RARB: variants seen among roughly 807,000 people sequenced by gnomAD.
The protein encoded by RARB is HBV-activated protein.
A neutral mutation model predicts 51.9 loss-of-function variants in RARB; 17 were observed. The observed-to-expected ratio is 0.33, with a 90% CI of 0.22 to 0.49. The LOEUF is 0.49. Among genes scored for constraint, RARB ranks in the 20% least tolerant of loss-of-function variants. RARB has a pLI of 0.99. For missense variants in RARB, 369 were observed against 550.8 expected, an observed-to-expected ratio of 0.67 and a Z score of 3.30; for synonymous variants, 215 against 195.4, an observed-to-expected ratio of 1.10 and a Z score of -0.84.
At chr3:25,302,890 A>G (rs1163307875) in intron 5 of RARB, among the ~76,000 whole-genome samples, 3 of 152,224 alleles carry the variant, frequency 2.0e-5, no homozygotes, top group Admixed American at 6.5e-5. Context: ...TTAAAGTGCT[A>G]TTCCCCATTT....
intron 2 of RARB, among the ~76,000 whole-genome samples, chr3:24,892,897 A>G (rs1351320396): frequency 6.6e-6 from 1 of 152,202 alleles, no homozygotes; most frequent in East Asian, 1.9e-4. Context: ...CCATTGGGCT[A>G]TCACTGTGCT....
At chr3:25,482,776 T>G (rs1170534706) in intron 2 of RARB, among the ~76,000 whole-genome samples, 1 of 151,946 alleles carries the variant, frequency 6.6e-6, no homozygotes, top group Non-Finnish European at 1.5e-5. Flanking sequence ...CCTGACCTCA[T>G]GATCCGCCCA....
At chr3:25,151,030 C>T (rs1416255702) in intron 4 of RARB, among the ~76,000 whole-genome samples, 1 of 152,162 alleles carries the variant, frequency 6.6e-6, no homozygotes, top group Non-Finnish European at 1.5e-5. Flanking sequence ...CTCAGTGGCT[C>T]CATGTATATA....
At chr3:24,884,814 A>C (rs555883593) in intron 2 of RARB, among the ~76,000 whole-genome samples, 1 of 152,192 alleles carries the variant, frequency 6.6e-6, no homozygotes, top group Non-Finnish European at 1.5e-5. Flanking sequence ...ACAGAGGATC[A>C]CTGCAAAAAT....
chr3:25,069,299 A>C (rs1227050778), intron 3 of RARB, among the ~76,000 whole-genome samples: 4 of 152,180 alleles, frequency 2.6e-5, no homozygotes, highest in African/African-American at 7.2e-5. Context: ...TGATTTATTC[A>C]CTTTGGGCAG....
intron 2 of RARB, among the ~76,000 whole-genome samples, chr3:24,907,996 C>T (rs774875911): frequency 4.6e-5 from 7 of 152,006 alleles, no homozygotes; most frequent in East Asian, 1.9e-4. Context: ...TGAAGGTCAC[C>T]GGAGTGAGGG....
chr3:25,537,246 C>T (rs1181406205), intron 3 of RARB, among the ~76,000 whole-genome samples: 1 of 152,174 alleles, frequency 6.6e-6, no homozygotes, highest in African/African-American at 2.4e-5. Context: ...CAACAAGAAG[C>T]ATCTGGAAAG....
At chr3:25,335,637 A>C (rs1705040840) in intron 5 of RARB, among the ~76,000 whole-genome samples, 1 of 152,210 alleles carries the variant, frequency 6.6e-6, no homozygotes, top group Non-Finnish European at 1.5e-5. Flanking sequence ...GTCAACTGAA[A>C]GGCCACTGTG....
At chr3:25,178,543 G>A (rs1700801374) in intron 5 of RARB, among the ~76,000 whole-genome samples, 1 of 151,258 alleles carries the variant, frequency 6.6e-6, no homozygotes, top group Admixed American at 6.6e-5. Flanking sequence ...AGACCCCAGA[G>A]CGCATGCCTT....
At chr3:25,084,741 G>T (rs964290820) in intron 3 of RARB, among the ~76,000 whole-genome samples, 6 of 149,242 alleles carry the variant, frequency 4.0e-5, no homozygotes, top group South Asian at 2.1e-4. Context: ...TCTGTTTGGG[G>T]TTTTTTTTAA....
At chr3:25,197,169 T>C (rs1399434342) in intron 5 of RARB, among the ~76,000 whole-genome samples, 2 of 152,152 alleles carry the variant, frequency 1.3e-5, no homozygotes, top group South Asian at 4.1e-4. Context: ...TGGTATTGCC[T>C]AGGTTGTCTT....
chr3:25,404,656 G>T (rs116734135), intron 5 of RARB, among the ~76,000 whole-genome samples: 22 of 152,246 alleles, frequency 1.4e-4, no homozygotes, highest in Admixed American at 3.3e-4. Flanking sequence ...GTGGAAGCAG[G>T]GGCATGGCGG....
At chr3:25,089,017 T>A (rs1272760394) in intron 3 of RARB, among the ~76,000 whole-genome samples, 1 of 150,716 alleles carries the variant, frequency 6.6e-6, no homozygotes, top group Non-Finnish European at 1.5e-5. Flanking sequence ...TAAGTTTTAC[T>A]AATTGAGTAA....
chr3:25,460,233 A>G (rs1023325629), intron 1 of RARB, among the ~76,000 whole-genome samples: 3 of 151,948 alleles, frequency 2.0e-5, no homozygotes, highest in Non-Finnish European at 4.4e-5. Context: ...ACCTGATACT[A>G]TTTTTCTAAT....
intron 1 of RARB, among the ~76,000 whole-genome samples, chr3:24,853,975 A>G (rs1702599538): frequency 6.6e-6 from 1 of 152,188 alleles, no homozygotes; most frequent in African/African-American, 2.4e-5. Context: ...TAGAGACCTC[A>G]CTCAAGGATC....
chr3:25,255,203 T>C lies in RARB; in HGVS notation c.178+80628T>C, dbSNP rs1262178416. On this transcript the variant is annotated intron_variant, in intron 5 of 11. Coordinates refer to the RARB transcript ENST00000383772. ...TCCCCCACCTTCACAGACACAGTAG[T>C]AGATCAACACAAATATGAATTTTTT... is the stretch of plus-strand genomic sequence containing the variant. Among the ~76,000 whole-genome samples, 9 of 152,078 alleles carry C rather than the reference T, an allele frequency of 5.9e-5. 1 individual carries two copies. Among genetic ancestry groups the C allele is most frequent in the Admixed American group, 5.9e-4 (9 of 15,264 alleles).
chr3:24,842,507 T>C (rs571253912), intron 1 of RARB, among the ~76,000 whole-genome samples: 1 of 152,204 alleles, frequency 6.6e-6, no homozygotes, highest in East Asian at 1.9e-4. Flanking sequence ...ATCTCATAAC[T>C]ATGGGATATA....
rs1701861196 is a variant in RARB at position 25,596,958 on chromosome 3, G to T, written c.*342G>T. On this transcript the variant is annotated 3_prime_UTR_variant, in exon 8 of 8. Coordinates refer to ENST00000330688, the MANE Select transcript of RARB (RefSeq NM_000965.5). ...TTCTGAAGACTTTGTACATACAGAA[G>T]TATGGCTCTGTTCTTTCTATACTGT... 5.2e-5 allele frequency: 10 copies of T among 191,600 alleles called. No individual in the cohort carries two copies. The South Asian group carries it at 1.4e-3, about 26-fold the overall frequency. 11.9% of individuals were successfully genotyped at this position (191,600 alleles called of 1,614,324 possible).
At chr3:24,891,831 A>C (rs2125364686) in intron 2 of RARB, among the ~76,000 whole-genome samples, 1 of 152,144 alleles carries the variant, frequency 6.6e-6, no homozygotes, top group Non-Finnish European at 1.5e-5. Context: ...TTTACATTAA[A>C]GGACCTGGGG....
Sources: gnomAD v4.1 joint callset for allele counts (sites outside exome capture counted in the v4.1 genomes callset) on GRCh38, gnomAD v4.1.1 for gene constraint, MANE v1.5 for transcripts, NCBI Gene and HGNC (gene_info 2026-07-23, HGNC 2026-07-21) for gene names.